ADAM17: variants seen among roughly 807,000 people sequenced by gnomAD.
ADAM17 encodes disintegrin and metalloproteinase domain-containing protein 17.
A neutral mutation model predicts 96.7 loss-of-function variants in ADAM17; 39 were observed. The ratio of observed to expected loss-of-function variants is 0.40; its 90% CI spans 0.31 to 0.53. The LOEUF (loss-of-function observed/expected upper bound fraction) is 0.53. Among genes scored for constraint, ADAM17 ranks in the 20% least tolerant of loss-of-function variants. ADAM17 has a pLI of 0.44. For synonymous variants in ADAM17, 344 were observed against 359.2 expected (o/e 0.96, Z 0.48); for missense variants, 777 against 1,013.2 (o/e 0.77, Z 3.17).
At chr2:9,521,590 C>T (rs558958596) in intron 7 of ADAM17, 32 of 173,092 alleles carry the variant, frequency 1.8e-4, no homozygotes, top group African/African-American at 6.9e-4. Flanking sequence ...AAAATAAGAA[C>T]TTGGGTTACA....
chr2:9,535,066 T>TA (rs1664905935), intron 4 of ADAM17, among the ~76,000 whole-genome samples: 1 of 152,234 alleles, frequency 6.6e-6, no homozygotes, highest in South Asian at 2.1e-4. Context: ...GTCAAAGGAC[T>TA]AACAGTCATG....
intron 1 of ADAM17, 106 bp from the exon 2 acceptor site, chr2:9,543,391 AG>A: frequency 9.8e-7 from 1 of 1,024,358 alleles, no homozygotes; most frequent in Non-Finnish European, 1.3e-6. Context: ...GTAATCCATT[AG>A]GAAGTGCCAA....
intron 1 of ADAM17, among the ~76,000 whole-genome samples, chr2:9,553,873 C>T (rs893463406): frequency 6.6e-6 from 1 of 151,352 alleles, no homozygotes; most frequent in Non-Finnish European, 1.5e-5. Flanking sequence ...ACCAGCCTGG[C>T]CAACATGGTG....
intron 12 of ADAM17, among the ~76,000 whole-genome samples, chr2:9,503,731 G>A (rs919501824): frequency 9.9e-5 from 15 of 151,950 alleles, no homozygotes; most frequent in East Asian, 3.9e-4. Flanking sequence ...CCAGCTACTG[G>A]GGAGGCTGAG....
At chr2:9,504,174 C>T (rs1289613053) in intron 12 of ADAM17, among the ~76,000 whole-genome samples, 1 of 151,894 alleles carries the variant, frequency 6.6e-6, no homozygotes, top group Non-Finnish European at 1.5e-5. Flanking sequence ...AGGCCAGGCA[C>T]GGTGGCTCCC....
intron 1 of ADAM17, among the ~76,000 whole-genome samples, chr2:9,550,298 G>A (rs1327398591): frequency 6.6e-6 from 1 of 152,112 alleles, no homozygotes; most frequent in Non-Finnish European, 1.5e-5. Context: ...CTCCTCAACA[G>A]ACCTGGGACG....
intron 4 of ADAM17, among the ~76,000 whole-genome samples, chr2:9,534,334 A>C (rs1664870007): frequency 6.6e-6 from 1 of 152,136 alleles, no homozygotes; most frequent in African/African-American, 2.4e-5. Flanking sequence ...ACGCCAGTGC[A>C]CTCTAGCCTG....
chr2:9,517,543 G>A (rs899143772), intron 10 of ADAM17, among the ~76,000 whole-genome samples: 14 of 152,154 alleles, frequency 9.2e-5, no homozygotes, highest in Non-Finnish European at 2.1e-4. Context: ...CTGAGAAAGA[G>A]GGAGACCATG....
intron 4 of ADAM17, among the ~76,000 whole-genome samples, chr2:9,533,951 T>A (rs1558520432): frequency 6.6e-6 from 1 of 152,232 alleles, no homozygotes; most frequent in African/African-American, 2.4e-5. Context: ...CAGAGCTTCC[T>A]ACAGTTTCTT....
rs757777916 is a variant in ADAM17 at position 9,526,192 on chromosome 2, C to T, written c.672G>A (p.Thr224=). Reference sequence around the variant, plus strand: ...GATCTGCTACCACCAATAATTTACACGTGTTCTTCATGGGATCTGGGTCAG... The same window carrying T: ...GATCTGCTACCACCAATAATTTACATGTGTTCTTCATGGGATCTGGGTCAG... ...RRADPDPMKN[T]CKLLVVADHR... Residue 224 remains threonine (T), a synonymous_variant, in exon 6 of 19, where the codon ACG becomes ACA. Transcript: ENST00000310823. The T allele has an allele frequency of 1.1e-5, 18 of 1,613,754 alleles. No individual in the cohort carries two copies. Among genetic ancestry groups the T allele is most frequent in the Middle Eastern group, 1.7e-4 (1 of 6,056 alleles).
At chr2:9,522,686 ACCCTTTGT>A (rs1664360982) in intron 7 of ADAM17, among the ~76,000 whole-genome samples, 1 of 152,168 alleles carries the variant, frequency 6.6e-6, no homozygotes, top group Non-Finnish European at 1.5e-5. Context: ...CCAAAGCAAT[ACCCTTTGT>A]CAGAAGCCTT....
rs1391024769 is a variant in ADAM17, at chr2:9,510,182, T to C, written c.1192-51A>G. 3.7e-6 allele frequency: 6 copies of C among 1,600,502 alleles called. No individual in the cohort carries two copies. The African/African-American group carries it at 8.0e-5, about 21-fold the overall frequency. ...TATTTCTCAATATCCAGCCATCACC[T>C]ACTTCTGCCAGTTGGGCCTATGCTG... On this transcript the variant is annotated intron_variant, in intron 10 of 18. Coordinates refer to ENST00000310823, the MANE Select transcript of ADAM17 (RefSeq NM_003183.6).
In ADAM17 at chr2:9,490,255, C is replaced by T. The variant is rs1334374778; in HGVS notation, c.2397G>A (p.Pro799=). 10 of 1,612,718 alleles carry T rather than the reference C, an allele frequency of 6.2e-6. No homozygotes were observed. Among genetic ancestry groups the T allele is most frequent in the East Asian group, 4.5e-5 (2 of 44,846 alleles). ...AKSFEDLTDH[P]VTRSEKAASF... is the part of the protein sequence containing the mutation. ...AGGCAGCCTTTTCACTTCTGGTGAC[C>T]GGATGGTCCGTGAGATCCTCAAATG... Residue 799 remains proline, a synonymous_variant, in exon 19 of 19, where the codon CCG becomes CCA. Transcript: ENST00000310823.
At chr2:9,543,973 T>C (rs1665315354) in intron 1 of ADAM17, among the ~76,000 whole-genome samples, 1 of 152,124 alleles carries the variant, frequency 6.6e-6, no homozygotes, top group African/African-American at 2.4e-5. Flanking sequence ...CCTGATTTGA[T>C]CACTACATAT....
At chr2:9,493,289 C>A (rs745408594) in intron 16 of ADAM17, among the ~76,000 whole-genome samples, 1 of 152,136 alleles carries the variant, frequency 6.6e-6, no homozygotes, top group African/African-American at 2.4e-5. Flanking sequence ...CTTAAGAAGA[C>A]AAAGTTTTTG....
intron 1 of ADAM17, among the ~76,000 whole-genome samples, chr2:9,551,689 G>C (rs1373364304): frequency 6.6e-6 from 1 of 152,128 alleles, no homozygotes; most frequent in Non-Finnish European, 1.5e-5. Flanking sequence ...TCGATCTCCT[G>C]ACCTCGTGAT....
intron 1 of ADAM17, among the ~76,000 whole-genome samples, chr2:9,550,377 T>A (rs912725435): frequency 6.6e-6 from 1 of 151,270 alleles, no homozygotes; most frequent in Non-Finnish European, 1.5e-5. Flanking sequence ...GCAATGAGAC[T>A]ACTTCCACAA....
chr2:9,525,594 A>C lies in ADAM17; in HGVS notation c.753+517T>G, dbSNP rs553361318. Among the ~76,000 whole-genome samples the C allele has an allele frequency of 2.6e-5, 4 of 152,294 alleles. No individual in the cohort carries two copies. In the South Asian group the frequency reaches 8.3e-4, roughly 32 times the overall value. ...TCATACTTAAAAATCCAGTATCATC[A>C]CTTCTTACATCTTTCCTTCACTTCT... On this transcript the variant is annotated intron_variant, in intron 6 of 18. Transcript: ENST00000310823.
intron 8 of ADAM17, among the ~76,000 whole-genome samples, chr2:9,520,045 G>A (rs1664244880): frequency 6.6e-6 from 1 of 152,198 alleles, no homozygotes; most frequent in African/African-American, 2.4e-5. Flanking sequence ...TCTCCATCTG[G>A]ATGAATAGTT....
Sources: gnomAD v4.1 joint callset for allele counts (sites outside exome capture counted in the v4.1 genomes callset) on GRCh38, gnomAD v4.1.1 for gene constraint, MANE v1.5 for transcripts, NCBI Gene and HGNC (gene_info 2026-07-23, HGNC 2026-07-21) for gene names.